Variants in SNX13 observed in about 807,000 individuals in gnomAD.
SNX13 encodes the protein sorting nexin 13.
SNX13 carries 45 observed loss-of-function variants against 133.6 expected under a neutral mutation model. The ratio of observed to expected loss-of-function variants is 0.34; its 90% CI spans 0.27 to 0.43. SNX13 has a LOEUF of 0.43. SNX13 is among the 20% of genes least tolerant of loss of function. The pLI is 1.00. For missense variants in SNX13, 1,032 were observed against 1,145.1 expected, an observed-to-expected ratio of 0.90 and a Z score of 1.43; for synonymous variants, 414 against 373.9, an observed-to-expected ratio of 1.11 and a Z score of -1.24.
At chr7:17,910,190 T>C (rs1459568094) in intron 1 of SNX13, among the ~76,000 whole-genome samples, 1 of 152,232 alleles carries the variant, frequency 6.6e-6, no homozygotes, top group African/African-American at 2.4e-5. Context: ...AATAGACTGA[T>C]ATTTAATTAG....
intron 16 of SNX13, among the ~76,000 whole-genome samples, chr7:17,829,039 C>T (rs1284365069): frequency 6.6e-6 from 1 of 151,400 alleles, no homozygotes; most frequent in Non-Finnish European, 1.5e-5. Flanking sequence ...TTAAAAGTTA[C>T]AAAGTATCTG....
At chr7:17,935,994 G>A (rs1801977884) in intron 1 of SNX13, among the ~76,000 whole-genome samples, 1 of 152,192 alleles carries the variant, frequency 6.6e-6, no homozygotes, top group South Asian at 2.1e-4. Context: ...GATGTATGAT[G>A]TATGTGCATG....
chr7:17,919,950 G>A (rs1799949972), intron 1 of SNX13, among the ~76,000 whole-genome samples: 2 of 152,028 alleles, frequency 1.3e-5, no homozygotes, highest in Non-Finnish European at 1.5e-5. Context: ...AGGCAACAGT[G>A]TAAGACCCCC....
intron 18 of SNX13, among the ~76,000 whole-genome samples, chr7:17,817,077 C>T (rs1407879306): frequency 1.3e-5 from 2 of 152,134 alleles, no homozygotes; most frequent in East Asian, 3.8e-4. Context: ...TAAACATAAA[C>T]TCATAGATTA....
rs571045269 is a variant in SNX13, at chr7:17,863,320, G to A, written c.837+5087C>T. ...CTCTTCTCAGCGGTCAGTAGACTTC[G>A]GGTATGACCCAGTGTAACACCAGCT... On this transcript the variant is annotated intron_variant, in intron 9 of 25. Coordinates refer to ENST00000428135, the MANE Select transcript of SNX13 (RefSeq NM_015132.5). 7.9e-5 allele frequency among the ~76,000 whole-genome samples: 12 copies of A among 152,216 alleles called. No individual in the cohort carries two copies. The South Asian group carries it at 2.3e-3, about 29-fold the overall frequency.
intron 21 of SNX13, among the ~76,000 whole-genome samples, chr7:17,803,061 A>G (rs891077495): frequency 1.3e-5 from 2 of 152,188 alleles, no homozygotes; most frequent in Admixed American, 1.3e-4. Context: ...GAATACTAGT[A>G]TAACTCATCT....
chr7:17,918,582 CTAT>C (rs1244648897), intron 1 of SNX13, among the ~76,000 whole-genome samples: 8 of 151,996 alleles, frequency 5.3e-5, no homozygotes, highest in African/African-American at 1.9e-4. Context: ...GTCAAAATGA[CTAT>C]TATTAAAAAG....
chr7:17,845,396 G>A (rs899886534), intron 12 of SNX13, among the ~76,000 whole-genome samples, 199 bp downstream of exon 12: 1 of 152,032 alleles, frequency 6.6e-6, no homozygotes, highest in African/African-American at 2.4e-5. Context: ...GGAGAGAGTT[G>A]GTGTTTAATG....
chr7:17,851,125 A>T (rs1178413989), intron 9 of SNX13, among the ~76,000 whole-genome samples, 161 bp from the exon 10 acceptor site: 4 of 152,234 alleles, frequency 2.6e-5, no homozygotes, highest in Non-Finnish European at 5.9e-5. Context: ...TTTCCAATGG[A>T]TCTTAGACTG....
rs1268859681 is a variant in SNX13, at chr7:17,839,750, C to CA, written c.1359+56dup. 88 of 1,440,606 alleles carry CA rather than the reference C, an allele frequency of 6.1e-5. No homozygotes were observed. In the East Asian group the frequency reaches 2.2e-3, roughly 35 times the overall value. The allele number at this position is 1,440,606 out of a possible 1,614,324, so 89.2% of individuals were successfully genotyped here. ...TCAGCCTGGCATAAGCAATGGATTA[C>CA]AAAAATTATTAATAATACTGCTAAA... On this transcript the variant is annotated intron_variant, in intron 13 of 25. Transcript: ENST00000428135.
At chr7:17,916,147 G>C (rs368769885) in intron 1 of SNX13, among the ~76,000 whole-genome samples, 2 of 152,242 alleles carry the variant, frequency 1.3e-5, no homozygotes, top group African/African-American at 4.8e-5. Context: ...GACAAACACA[G>C]TGTTAAGAGG....
chr7:17,854,012 G>A (rs1049239345), intron 9 of SNX13, among the ~76,000 whole-genome samples: 3 of 151,842 alleles, frequency 2.0e-5, no homozygotes, highest in African/African-American at 7.3e-5. Flanking sequence ...CCTAAAGAAA[G>A]TTCTTCAAAA....
chr7:17,915,629 G>C (rs78879623), intron 1 of SNX13, among the ~76,000 whole-genome samples: 1,287 of 119,528 alleles, frequency 0.011, 13 homozygotes, highest in African/African-American at 0.047. Context: ...CTGTCTGTCT[G>C]TCTCTCTCTC....
At chr7:17,814,714 C>G (rs1786453966) in intron 20 of SNX13, 120 bp downstream of exon 20, 1 of 775,064 alleles carries the variant, frequency 1.3e-6, no homozygotes, top group African/African-American at 1.9e-5. Context: ...ATGCCGAGAA[C>G]TTAATAAAAT....
chr7:17,852,989 T>C (rs1393541491), intron 9 of SNX13, among the ~76,000 whole-genome samples: 2 of 152,168 alleles, frequency 1.3e-5, no homozygotes, highest in Non-Finnish European at 2.9e-5. Context: ...ACTATGGTCA[T>C]GAGCTAAGAG....
chr7:17,814,755 A>T, intron 20 of SNX13, 79 bp downstream of exon 20: 1 of 1,212,078 alleles, frequency 8.3e-7, no homozygotes, highest in East Asian at 3.0e-5. Context: ...GTACAAATCT[A>T]AATTTATTTT....
At chr7:17,884,353 A>C (rs961822428) in intron 5 of SNX13, among the ~76,000 whole-genome samples, 3 of 152,244 alleles carry the variant, frequency 2.0e-5, no homozygotes, top group African/African-American at 7.2e-5. Flanking sequence ...TACAGCCAGA[A>C]ACAGAAACAT....
intron 1 of SNX13, among the ~76,000 whole-genome samples, chr7:17,928,165 G>C (rs1800976685): frequency 6.6e-6 from 1 of 152,044 alleles, no homozygotes; most frequent in Non-Finnish European, 1.5e-5. Context: ...TTATGAAAAG[G>C]AGCACCCTCT....
Position 17,790,886 on chromosome 7 carries a change from A to T in SNX13, c.*3159T>A, listed in dbSNP as rs1317628418. 2 of 152,072 alleles carry T rather than the reference A, an allele frequency of 1.3e-5. No individual in the cohort carries two copies. The highest frequency in any genetic ancestry group is 2.4e-5 in the African/African-American group (1 of 41,452). 9.4% of individuals were successfully genotyped at this position (152,072 alleles called of 1,614,324 possible). A position where few individuals can be genotyped will look rare whatever the true frequency, so the allele number is the denominator to read the frequency against. Reference sequence around the variant, plus strand: ...GTTGTTTCTTCTTTGTTAAAGAAAGAAAGTATTGATAGAACAGTTAGGCAC... The same window carrying T: ...GTTGTTTCTTCTTTGTTAAAGAAAGTAAGTATTGATAGAACAGTTAGGCAC... On this transcript the variant is annotated 3_prime_UTR_variant, in exon 26 of 26. Transcript: ENST00000428135.
Sources: allele counts gnomAD v4.1 joint callset (sites outside exome capture counted in the v4.1 genomes callset), GRCh38; gene constraint gnomAD v4.1.1; transcripts MANE v1.5; gene names NCBI Gene and HGNC (gene_info 2026-07-23, HGNC 2026-07-21).